Variants in ZNF490 observed in about 807,000 individuals in gnomAD.
ZNF490 encodes the protein zinc finger protein 490.
A neutral mutation model predicts 17.7 loss-of-function variants in ZNF490; 11 were observed. That is an observed-to-expected ratio of 0.62 (90% CI 0.39 to 1.03). The LOEUF is 1.03. Ranked by LOEUF, ZNF490 falls within the 50% of genes least tolerant of loss-of-function variation. ZNF490 has a pLI of 0.00. For synonymous variants in ZNF490, 222 were observed against 216.1 expected (o/e 1.03, Z -0.24); for missense variants, 542 against 643.4 (o/e 0.84, Z 1.71).
intron 2 of ZNF490, among the ~76,000 whole-genome samples, chr19:12,592,525 C>T (rs2022885258): frequency 1.3e-5 from 2 of 151,990 alleles, no homozygotes; most frequent in South Asian, 4.1e-4. Context: ...AAAATTATGA[C>T]AGAGTAAAAA....
chr19:12,610,787 T>G lies in ZNF490; in HGVS notation c.-107A>C, dbSNP rs1050701300. ...TTGTCCACGGAGGGCACCAGTTCCG[T>G]CCCACCGGCGGAAGCGAGATCTGCC... On this transcript the variant is annotated 5_prime_UTR_variant, in exon 1 of 5. Coordinates refer to ENST00000311437, the MANE Select transcript of ZNF490 (RefSeq NM_020714.3). 3.4e-6 allele frequency: 4 copies of G among 1,187,590 alleles called. No homozygotes were observed. Among genetic ancestry groups the G allele is most frequent in the Non-Finnish European group, 4.9e-6 (4 of 810,168 alleles). 73.6% of individuals were successfully genotyped at this position (1,187,590 alleles called of 1,614,324 possible).
intron 2 of ZNF490, among the ~76,000 whole-genome samples, chr19:12,590,219 T>G (rs61566316): frequency 0.62 from 91,746 of 149,166 alleles, 28,934 homozygotes; most frequent in Non-Finnish European, 0.69. Context: ...CTGGCCTTTT[T>G]TTTTTTTTCT....
chr19:12,597,223 A>G, intron 2 of ZNF490: 1 of 457,680 alleles, frequency 2.2e-6, no homozygotes, highest in South Asian at 1.5e-5. Context: ...AGTGAGACAA[A>G]GCATACGCAG....
At position 12,610,753 on chromosome 19, in the gene ZNF490, T is replaced by C; in HGVS notation, c.-73A>G. 1 of 1,463,192 alleles carries C rather than the reference T, an allele frequency of 6.8e-7. No individual in the cohort carries two copies. 90.6% of individuals were successfully genotyped at this position (1,463,192 alleles called of 1,614,324 possible). A position where few individuals can be genotyped will look rare whatever the true frequency, so the allele number is the denominator to read the frequency against. Reference sequence around the variant, plus strand: ...CCCGAGATCCGGAACAATTTCTGCTTCAACACAATTGTCCACGGAGGGCAC... The same window carrying C: ...CCCGAGATCCGGAACAATTTCTGCTCCAACACAATTGTCCACGGAGGGCAC... On this transcript the variant is annotated 5_prime_UTR_variant, in exon 1 of 5. Transcript: ENST00000311437.
In ZNF490 at chr19:12,581,107, C is replaced by T. The variant is rs770027002; in HGVS notation, c.968G>A (p.Ser323Asn). Residue 323 changes from serine to asparagine, a missense_variant, in exon 5 of 5, where the codon AGT becomes AAT. Coordinates refer to ENST00000311437, the MANE Select transcript of ZNF490 (RefSeq NM_020714.3). Reference sequence around the variant, plus strand: ...CTCTCCAGTATGAGTTTTCTCATGACTCCGTAAGTACGTGGGACAACTGAA... The same window carrying T: ...CTCTCCAGTATGAGTTTTCTCATGATTCCGTAAGTACGTGGGACAACTGAA... ...KAFSCPTYLR[S>N]HEKTHTGEKP... is the part of the protein sequence containing the mutation. The T allele has an allele frequency of 2.5e-6, 4 of 1,614,058 alleles. No homozygotes were observed. The Admixed American group carries it at 6.7e-5, about 27-fold the overall frequency.
intron 2 of ZNF490, among the ~76,000 whole-genome samples, chr19:12,606,077 TCC>T (rs1232655826): frequency 3.9e-5 from 6 of 151,936 alleles, no homozygotes; most frequent in Non-Finnish European, 1.5e-5. Context: ...ACAGGGTTTC[TCC>T]ATGTTGGTCA....
intron 2 of ZNF490, among the ~76,000 whole-genome samples, chr19:12,590,575 A>C (rs1350120337): frequency 6.6e-6 from 1 of 152,186 alleles, no homozygotes; most frequent in Non-Finnish European, 1.5e-5. Context: ...GAAAAAGAAA[A>C]AGAAATAAAA....
At position 12,609,066 on chromosome 19, in the gene ZNF490, A is replaced by AC. The variant is rs148285808; in HGVS notation, c.162+91dup. ...GAGTGCCTTCACAAAGACCCGAAAG[A>AC]CCCCCCCACAAAGAGGTCATAGAAG... On this transcript the variant is annotated intron_variant, in intron 2 of 4. Coordinates refer to ENST00000311437, the MANE Select transcript of ZNF490 (RefSeq NM_020714.3). 2,730 of 1,255,686 alleles carry AC rather than the reference A, an allele frequency of 2.2e-3. 44 individuals are homozygous for AC. In the African/African-American group the frequency reaches 0.035, roughly 16 times the overall value. The allele number at this position is 1,255,686 out of a possible 1,614,324, so 77.8% of individuals were successfully genotyped here.
rs985702373 is a variant in ZNF490, at chr19:12,579,518, G to C, written c.*967C>G. On this transcript the variant is annotated 3_prime_UTR_variant, in exon 5 of 5. Coordinates refer to ENST00000311437, the MANE Select transcript of ZNF490 (RefSeq NM_020714.3). Reference sequence around the variant, plus strand: ...CTTTCACTCCAGCCTAGGCAACAGAGTAAGACTCCAGCTCAAAAAAAAAAA... The same window carrying C: ...CTTTCACTCCAGCCTAGGCAACAGACTAAGACTCCAGCTCAAAAAAAAAAA... The C allele has an allele frequency of 5.4e-5, 7 of 128,952 alleles. 1 individual carries two copies. The highest frequency in any genetic ancestry group is 5.3e-4 in the South Asian group (2 of 3,782). 8.0% of individuals were successfully genotyped at this position (128,952 alleles called of 1,614,324 possible). A position where few individuals can be genotyped will look rare whatever the true frequency, so the allele number is the denominator to read the frequency against.
chr19:12,606,768 C>A (rs1421400668), intron 2 of ZNF490, among the ~76,000 whole-genome samples: 1 of 152,078 alleles, frequency 6.6e-6, no homozygotes, highest in Non-Finnish European at 1.5e-5. Flanking sequence ...AAGTCCATGA[C>A]CATTCACAAG....
At chr19:12,594,302 C>T (rs1009464649) in intron 2 of ZNF490, among the ~76,000 whole-genome samples, 1 of 151,970 alleles carries the variant, frequency 6.6e-6, no homozygotes, top group Non-Finnish European at 1.5e-5. Flanking sequence ...CCCGTCTCTA[C>T]TAAAAATACA....
rs2022804895 is a variant in ZNF490 at position 12,586,065 on chromosome 19, C to CG, written c.163-2510dup. Among the ~76,000 whole-genome samples, 2 of 91,110 alleles carry CG rather than the reference C, an allele frequency of 2.2e-5. 1 individual carries two copies. The highest frequency in any genetic ancestry group is 5.9e-5 in the Non-Finnish European group (2 of 33,984). The allele number at this position is 91,110 out of a possible 152,430, so 59.8% of individuals were successfully genotyped here. On this transcript the variant is annotated intron_variant, in intron 2 of 4. Transcript: ENST00000311437. ...ACTGTAATCCCAGCACTTTGGGAGG[C>CG]GGGGGGCGGGCAGATCACTTGACAT...
rs1272359008 is a variant in ZNF490 at position 12,577,439 on chromosome 19, G to A, written c.*3046C>T. ...CATCTCTCTACAAAAGCACAACATG[G>A]CAGCTCAAGAATGTGAAAGGACCTG... On this transcript the variant is annotated 3_prime_UTR_variant, in exon 5 of 5. Transcript: ENST00000311437. 3 of 985,148 alleles carry A rather than the reference G, an allele frequency of 3.0e-6. No individual in the cohort carries two copies. The highest frequency in any genetic ancestry group is 6.2e-5 in the Admixed American group (1 of 16,242). The allele number at this position is 985,148 out of a possible 1,614,324, so 61.0% of individuals were successfully genotyped here.
At position 12,580,607 on chromosome 19, in the gene ZNF490, T is replaced by A. The variant is rs2022716391; in HGVS notation, c.1468A>T (p.Lys490Ter). 6.2e-7 allele frequency: 1 copy of A among 1,614,132 alleles called. No individual in the cohort carries two copies. Among genetic ancestry groups the A allele is most frequent in the Non-Finnish European group, 8.5e-7 (1 of 1,180,018 alleles). Residue 490 changes from lysine (K) to a stop codon, truncating the protein, a stop_gained, in exon 5 of 5, where the codon AAA becomes TAA. Transcript: ENST00000311437. LOFTEE classifies it low-confidence loss of function (END_TRUNC). ...GKAFTCLNSL[K>*]VHKRIHTGER... ...CCAGTATGAATTCTTTTGTGTACTT[T>A]CAGGGAATTTAAACAAGTGAAAGCT... is the stretch of plus-strand genomic sequence containing the variant.
Position 12,580,883 on chromosome 19 carries a change from C to T in ZNF490, c.1192G>A (p.Ala398Thr), listed in dbSNP as rs1418185193. The part of the protein sequence containing the change: ...KPYECKQCGK[A>T]FNSSSYLQLH... The stretch of plus-strand genomic sequence containing the variant: ...TGAAGGTAACTTGAAGAATTGAAGG[C>T]TTTACCACATTGTTTACATTCATAG... Residue 398 changes from alanine (A) to threonine (T), a missense_variant, in exon 5 of 5, where the codon GCC (alanine) becomes ACC (threonine). Transcript: ENST00000311437. The T allele has an allele frequency of 6.2e-6, 10 of 1,614,200 alleles. No individual in the cohort carries two copies. The highest frequency in any genetic ancestry group is 1.1e-5 in the South Asian group (1 of 91,082).
chr19:12,590,936 T>TAAA (rs1568280040), intron 2 of ZNF490, among the ~76,000 whole-genome samples: 1 of 130,524 alleles, frequency 7.7e-6, no homozygotes, highest in African/African-American at 2.8e-5. Flanking sequence ...AAAAAAAAAT[T>TAAA]TTTTTTAAAT....
chr19:12,607,365 A>AT (rs2023081392), intron 2 of ZNF490, among the ~76,000 whole-genome samples: 2 of 151,614 alleles, frequency 1.3e-5, no homozygotes, highest in Non-Finnish European at 2.9e-5. Context: ...TAAAAAAAGA[A>AT]TTTTTTTAAA....
At chr19:12,602,784 C>T (rs919409807) in intron 2 of ZNF490, among the ~76,000 whole-genome samples, 5 of 151,882 alleles carry the variant, frequency 3.3e-5, no homozygotes, top group Middle Eastern at 6.8e-3. Context: ...ACCACCACGC[C>T]GGGCTAGTTT....
rs902848506 is a variant in ZNF490, at chr19:12,581,513, C to T, written c.562G>A (p.Glu188Lys). The change falls in exon 5 of 5, where the codon GAA becomes AAA. Residue 188 changes from glutamate (E) to lysine (K), a missense_variant. Coordinates refer to ENST00000311437, the MANE Select transcript of ZNF490 (RefSeq NM_020714.3). ...HTEQKPNECH[E>K]YGEKPHKCKE... ...CATTTATGTGGCTTCTCTCCATATT[C>T]GTGACACTCATTTGGTTTCTGTTCA... 4.3e-6 allele frequency: 7 copies of T among 1,614,018 alleles called. No homozygotes were observed. Among genetic ancestry groups the T allele is most frequent in the Admixed American group, 3.3e-5 (2 of 59,990 alleles).
Sources: allele counts gnomAD v4.1 joint callset (sites outside exome capture counted in the v4.1 genomes callset), GRCh38; gene constraint gnomAD v4.1.1; transcripts MANE v1.5; gene names NCBI Gene and HGNC (gene_info 2026-07-23, HGNC 2026-07-21).